The following THSD7A variants were observed in gnomAD, a reference collection of about 807,000 sequenced individuals.
THSD7A encodes thrombospondin type-1 domain-containing protein 7A.
In THSD7A, 96 loss-of-function variants were observed where a neutral mutation model predicts 231.3. That is an observed-to-expected ratio of 0.41 (90% CI 0.35 to 0.49). THSD7A has a LOEUF of 0.49. Among genes scored for constraint, THSD7A ranks in the 20% least tolerant of loss-of-function variants. The pLI is 0.05. For synonymous variants in THSD7A, 940 were observed against 743.3 expected, an observed-to-expected ratio of 1.26 and a Z score of -4.30; for missense variants, 2,290 against 2,070.2, an observed-to-expected ratio of 1.11 and a Z score of -2.06.
At chr7:11,602,548 A>C (rs936180623) in intron 2 of THSD7A, among the ~76,000 whole-genome samples, 3 of 152,080 alleles carry the variant, frequency 2.0e-5, no homozygotes, top group African/African-American at 7.2e-5. Context: ...GATGAAGGTA[A>C]TTAATGGAAA....
chr7:11,437,510 A>C (rs1784670957), intron 13 of THSD7A, among the ~76,000 whole-genome samples: 1 of 152,100 alleles, frequency 6.6e-6, no homozygotes, highest in African/African-American at 2.4e-5. Flanking sequence ...AAAGGAAAAA[A>C]AGATTCCAGT....
intron 1 of THSD7A, among the ~76,000 whole-genome samples, chr7:11,730,056 T>G (rs1030625708): frequency 6.6e-6 from 1 of 151,676 alleles, no homozygotes; most frequent in African/African-American, 2.4e-5. Context: ...GAATCTGAAA[T>G]GACTGTAACG....
At chr7:11,719,183 ACTT>A (rs1367905804) in intron 1 of THSD7A, among the ~76,000 whole-genome samples, 1 of 151,448 alleles carries the variant, frequency 6.6e-6, no homozygotes. Context: ...AAATTTCTCT[ACTT>A]CTTTATTCTC....
At chr7:11,629,560 C>T (rs1239771909) in intron 2 of THSD7A, among the ~76,000 whole-genome samples, 1 of 152,180 alleles carries the variant, frequency 6.6e-6, no homozygotes, top group Non-Finnish European at 1.5e-5. Context: ...GGGCAATTTT[C>T]TCCTTTCTCT....
intron 4 of THSD7A, among the ~76,000 whole-genome samples, chr7:11,563,415 A>G (rs956959205): frequency 2.0e-5 from 3 of 152,150 alleles, no homozygotes; most frequent in African/African-American, 7.2e-5. Context: ...GTTGGAGTGC[A>G]GTGGCGTGAT....
intron 1 of THSD7A, among the ~76,000 whole-genome samples, chr7:11,645,915 C>A (rs1017110069): frequency 6.7e-6 from 1 of 149,506 alleles, no homozygotes; most frequent in Non-Finnish European, 1.5e-5. Flanking sequence ...AGTTAAACAC[C>A]CCCAAAAAAG....
intron 2 of THSD7A, among the ~76,000 whole-genome samples, chr7:11,621,419 G>C (rs6942583): frequency 0.11 from 16,769 of 152,050 alleles, 2,674 homozygotes; most frequent in African/African-American, 0.34. Context: ...CTTTATATGA[G>C]TTTACGATGA....
chr7:11,376,901 AGTTTCTTTG>A (rs1320689783), intron 26 of THSD7A: 5 of 324,672 alleles, frequency 1.5e-5, no homozygotes, highest in Non-Finnish European at 2.8e-5. Context: ...TCAGATTTCA[AGTTTCTTTG>A]GCTAAACTTC....
chr7:11,540,987 T>C (rs971562678), intron 6 of THSD7A, among the ~76,000 whole-genome samples: 1 of 152,090 alleles, frequency 6.6e-6, no homozygotes, highest in East Asian at 1.9e-4. Context: ...ATCAGGGAGG[T>C]TAAAGGAAAA....
intron 2 of THSD7A, among the ~76,000 whole-genome samples, chr7:11,630,643 G>A (rs1781619165): frequency 6.6e-6 from 1 of 152,008 alleles, no homozygotes; most frequent in African/African-American, 2.4e-5. Flanking sequence ...GAATTCACTG[G>A]GCTGAATTTC....
intron 23 of THSD7A, among the ~76,000 whole-genome samples, chr7:11,395,589 A>G (rs926515198): frequency 6.7e-6 from 1 of 148,506 alleles, no homozygotes. Context: ...GTGCAGTGGC[A>G]CTATCTCAGC....
chr7:11,420,682 C>T (rs555913303), intron 16 of THSD7A, among the ~76,000 whole-genome samples: 151 of 152,320 alleles, frequency 9.9e-4, no homozygotes, highest in African/African-American at 3.5e-3. Flanking sequence ...GTTCTCCAGA[C>T]CCCAGAATGA....
Position 11,809,132 on chromosome 7 carries a change from G to A in THSD7A, c.190+22625C>T, listed in dbSNP as rs545112580. ...TAATACATGTTGAGTTAACAAAGAT[G>A]ACTAAGACAGCTTTTGCCTCAAGAA... is the stretch of plus-strand genomic sequence containing the variant. On this transcript the variant is annotated intron_variant, in intron 1 of 27. Transcript: ENST00000423059. Among the ~76,000 whole-genome samples, 7 of 152,196 alleles carry A rather than the reference G, an allele frequency of 4.6e-5. No individual in the cohort carries two copies. The South Asian group carries it at 1.2e-3, about 27-fold the overall frequency.
chr7:11,471,939 A>T (rs1471738472), intron 8 of THSD7A, among the ~76,000 whole-genome samples: 2 of 152,168 alleles, frequency 1.3e-5, no homozygotes, highest in Non-Finnish European at 2.9e-5. Context: ...AGCATTACTC[A>T]GTTGCATGCT....
At chr7:11,688,779 G>A (rs186909860) in intron 1 of THSD7A, among the ~76,000 whole-genome samples, 1 of 151,854 alleles carries the variant, frequency 6.6e-6, no homozygotes, top group Admixed American at 6.6e-5. Context: ...AGGAAACAAG[G>A]AAATTGTTGG....
intron 1 of THSD7A, among the ~76,000 whole-genome samples, chr7:11,748,180 A>G (rs75526069): frequency 0.043 from 6,562 of 152,026 alleles, 477 homozygotes; most frequent in African/African-American, 0.15. Flanking sequence ...GTATCACAAC[A>G]GGAATGGAGA....
intron 6 of THSD7A, among the ~76,000 whole-genome samples, chr7:11,536,357 C>CCTTT (rs1302539504): frequency 6.6e-6 from 1 of 152,078 alleles, no homozygotes; most frequent in African/African-American, 2.4e-5. Flanking sequence ...CCATGTGATC[C>CCTTT]CTTTCACTGG....
chr7:11,382,924 T>TTATATATA lies in THSD7A; in HGVS notation c.4412-316_4412-309dup, dbSNP rs140393382. Among the ~76,000 whole-genome samples the TTATATATA allele has an allele frequency of 5.7e-3, 839 of 147,450 alleles. 7 individuals carry two copies. The highest frequency in any genetic ancestry group is 0.02 in the African/African-American group (811 of 40,376). ...AGAGAATAACTGTATATATATATAG[T>TTATATATA]TATATATATATATATATCTCCCATC... On this transcript the variant is annotated intron_variant, in intron 23 of 27. Transcript: ENST00000423059.
chr7:11,803,163 G>C (rs1784320703), intron 1 of THSD7A, among the ~76,000 whole-genome samples: 2 of 152,146 alleles, frequency 1.3e-5, no homozygotes, highest in African/African-American at 4.8e-5. Flanking sequence ...ACAGGCAGCA[G>C]CATGTTCATG....
Sources: allele counts gnomAD v4.1 joint callset (sites outside exome capture counted in the v4.1 genomes callset), GRCh38; gene constraint gnomAD v4.1.1; transcripts MANE v1.5; gene names NCBI Gene and HGNC (gene_info 2026-07-23, HGNC 2026-07-21).